The following PGR variants were observed in gnomAD, a reference collection of about 807,000 sequenced individuals.
PGR encodes the protein progesterone receptor.
PGR carries 25 observed loss-of-function variants against 76.1 expected under a neutral mutation model. The ratio of observed to expected loss-of-function variants is 0.33; its 90% CI spans 0.24 to 0.46. The LOEUF (loss-of-function observed/expected upper bound fraction) is 0.46, where lower values mean the gene tolerates loss of function less well. Among genes scored for constraint, PGR ranks in the 20% least tolerant of loss-of-function variants. PGR has a pLI of 1.00. For missense variants in PGR, 1,172 were observed against 1,225.3 expected, an observed-to-expected ratio of 0.96 and a Z score of 0.65; for synonymous variants, 579 against 535.0, an observed-to-expected ratio of 1.08 and a Z score of -1.14.
At chr11:101,054,046 T>C (rs1860201176) in intron 4 of PGR, among the ~76,000 whole-genome samples, 1 of 152,222 alleles carries the variant, frequency 6.6e-6, no homozygotes, top group African/African-American at 2.4e-5. Context: ...ATGTTGGTGG[T>C]GTCCAGATAA....
chr11:101,099,663 A>G (rs1320973187), intron 2 of PGR, among the ~76,000 whole-genome samples: 1 of 152,214 alleles, frequency 6.6e-6, no homozygotes, highest in African/African-American at 2.4e-5. Flanking sequence ...GGTCACGGTC[A>G]TGTCCAGAGA....
At chr11:101,078,253 G>A (rs555379815) in intron 3 of PGR, among the ~76,000 whole-genome samples, 1 of 151,994 alleles carries the variant, frequency 6.6e-6, no homozygotes, top group East Asian at 1.9e-4. Flanking sequence ...AAAATGTGAA[G>A]ATAAGGCTTG....
Position 101,062,598 on chromosome 11 carries a change from C to G in PGR, c.2061G>C (p.Leu687=). 2 of 1,613,962 alleles carry G rather than the reference C, an allele frequency of 1.2e-6. No homozygotes were observed. The highest frequency in any genetic ancestry group is 1.7e-6 in the Non-Finnish European group (2 of 1,179,944). ...GTTCAATGCTCATTAACAGGTTGAT[C>G]AGTGGTGGAATCAACTGTATGTCTT... ...PGQDIQLIPP[L]INLLMSIEPD... is the part of the protein sequence containing the mutation. Residue 687 remains leucine, a synonymous_variant, in exon 4 of 8, where the codon CTG becomes CTC. Coordinates refer to ENST00000325455, the MANE Select transcript of PGR (RefSeq NM_000926.4).
chr11:101,128,248 A>G lies in PGR; in HGVS notation c.823T>C (p.Phe275Leu). ...ACCAGGGCGACCCTGGGCGCTGAGA[A>G]GCGGGAATCTTCCTTGGGGACCAGG... ...VALVPKEDSRFSAPRVALVEQ... is the reference protein window; with the variant it reads ...VALVPKEDSRLSAPRVALVEQ... The change falls in exon 1 of 8, where the codon TTC becomes CTC. Residue 275 changes from phenylalanine (F) to leucine (L), a missense_variant. Physicochemically the swap from Phe to Leu is conservative, Grantham distance 22 (BLOSUM62 0). Around this residue, in one of 4 missense-constraint regions of PGR, gnomAD observed 893 missense variants for 785.9 expected, o/e 1.14. Transcript: ENST00000325455. 6.3e-7 allele frequency: 1 copy of G among 1,595,808 alleles called. No homozygotes were observed. Among genetic ancestry groups the G allele is most frequent in the Non-Finnish European group, 8.5e-7 (1 of 1,177,846 alleles).
intron 2 of PGR, among the ~76,000 whole-genome samples, chr11:101,095,071 C>A (rs544639193): frequency 6.6e-6 from 1 of 152,300 alleles, no homozygotes; most frequent in African/African-American, 2.4e-5. Flanking sequence ...ATAAACTACC[C>A]AGTCTAAGGT....
At chr11:101,068,114 T>A (rs1168401917) in intron 3 of PGR, among the ~76,000 whole-genome samples, 1 of 152,178 alleles carries the variant, frequency 6.6e-6, no homozygotes, top group Non-Finnish European at 1.5e-5. Flanking sequence ...TGTTTCTATA[T>A]GTCATTTGCT....
intron 3 of PGR, among the ~76,000 whole-genome samples, chr11:101,073,034 C>T (rs1371739370): frequency 6.6e-6 from 1 of 152,156 alleles, no homozygotes; most frequent in East Asian, 1.9e-4. Context: ...CTTCTCAGCA[C>T]CACATTGCAC....
At chr11:101,097,674 T>A (rs542514625) in intron 2 of PGR, among the ~76,000 whole-genome samples, 3 of 152,246 alleles carry the variant, frequency 2.0e-5, no homozygotes, top group Non-Finnish European at 4.4e-5. Flanking sequence ...ACCTTTTAAC[T>A]TTTTTTCTTA....
chr11:101,102,426 A>G (rs1489996409), intron 2 of PGR, among the ~76,000 whole-genome samples: 1 of 152,136 alleles, frequency 6.6e-6, no homozygotes, highest in Non-Finnish European at 1.5e-5. Flanking sequence ...CTATTCCTTA[A>G]AGTTTTTTGT....
chr11:101,121,774 G>C (rs2135503030), intron 2 of PGR, among the ~76,000 whole-genome samples: 1 of 152,296 alleles, frequency 6.6e-6, no homozygotes, highest in Middle Eastern at 3.4e-3. Flanking sequence ...GGTTTCACCA[G>C]TACCTAACAT....
intron 3 of PGR, among the ~76,000 whole-genome samples, chr11:101,075,823 T>C (rs899604327): frequency 2.6e-5 from 4 of 152,108 alleles, no homozygotes; most frequent in East Asian, 1.9e-4. Context: ...AAACAATAGA[T>C]GCCGGAAAAG....
Position 101,127,909 on chromosome 11 carries a change from T to C in PGR, c.1162A>G (p.Lys388Glu), listed in dbSNP as rs775161945. The C allele has an allele frequency of 8.8e-6, 14 of 1,598,160 alleles. No individual in the cohort carries two copies. In the Admixed American group the frequency reaches 1.2e-4, roughly 13 times the overall value. ...SDFQPPALKIKEEEEGAEASA... is the reference protein window; with the variant it reads ...SDFQPPALKIEEEEEGAEASA... Reference sequence around the variant, plus strand: ...GCCTCCGCGCCTTCCTCCTCCTCCTTTATCTTTAGAGCGGGCGGCTGGAAG... The same window carrying C: ...GCCTCCGCGCCTTCCTCCTCCTCCTCTATCTTTAGAGCGGGCGGCTGGAAG... The change falls in exon 1 of 8, where the codon AAG becomes GAG. Residue 388 changes from lysine (K) to glutamate (E), a missense_variant. Transcript: ENST00000325455.
At chr11:101,107,879 A>AG (rs2135481743) in intron 2 of PGR, among the ~76,000 whole-genome samples, 1 of 146,026 alleles carries the variant, frequency 6.8e-6, no homozygotes, top group East Asian at 1.9e-4. Flanking sequence ...AAAAAAAAAA[A>AG]AGAAAGAAAA....
At chr11:101,115,808 TA>T (rs1490473814) in intron 2 of PGR, among the ~76,000 whole-genome samples, 2 of 152,024 alleles carry the variant, frequency 1.3e-5, no homozygotes, top group Non-Finnish European at 2.9e-5. Flanking sequence ...GAATTGTTTA[TA>T]AAAATTTTCA....
rs1467259749 is a variant in PGR at position 101,034,239 on chromosome 11, CAGT to C, written c.*4874_*4876del. ...CAGCATGACATACAGCAACAAGAGC[CAGT>C]AAATCGAAAATGAGGCTGACATTCT... On this transcript the variant is annotated 3_prime_UTR_variant, in exon 8 of 8. Coordinates refer to ENST00000325455, the MANE Select transcript of PGR (RefSeq NM_000926.4). The C allele has an allele frequency of 9.2e-6, 2 of 217,314 alleles. No homozygotes were observed. The highest frequency in any genetic ancestry group is 1.9e-5 in the Non-Finnish European group (2 of 108,088). The allele number at this position is 217,314 out of a possible 1,614,324, so 13.5% of individuals were successfully genotyped here. A position where few individuals can be genotyped will look rare whatever the true frequency, so the allele number is the denominator to read the frequency against.
At position 101,039,042 on chromosome 11, in the gene PGR, C is replaced by G. The variant is rs1037785317; in HGVS notation, c.*74G>C. 1 of 1,147,546 alleles carries G rather than the reference C, an allele frequency of 8.7e-7. No homozygotes were observed. The highest frequency in any genetic ancestry group is 1.3e-6 in the Non-Finnish European group (1 of 768,962). The allele number at this position is 1,147,546 out of a possible 1,614,324, so 71.1% of individuals were successfully genotyped here. On this transcript the variant is annotated 3_prime_UTR_variant, in exon 8 of 8. Coordinates refer to ENST00000325455, the MANE Select transcript of PGR (RefSeq NM_000926.4). ...CTTTCAGAAGAACATTATAAAAACT[C>G]AAGACCTCATAATCCTGACCAAAAC...
At chr11:101,086,664 T>C (rs535572208) in intron 3 of PGR, among the ~76,000 whole-genome samples, 2 of 152,174 alleles carry the variant, frequency 1.3e-5, no homozygotes, top group African/African-American at 2.4e-5. Flanking sequence ...GCATATTACA[T>C]GATTTTATAA....
At chr11:101,054,941 A>T (rs1860234718) in intron 4 of PGR, among the ~76,000 whole-genome samples, 1 of 151,104 alleles carries the variant, frequency 6.6e-6, no homozygotes, top group African/African-American at 2.5e-5. Context: ...ACAATGCCAT[A>T]AAAAAAAGTG....
chr11:101,105,100 C>T (rs750531636), intron 2 of PGR, among the ~76,000 whole-genome samples: 6 of 152,208 alleles, frequency 3.9e-5, no homozygotes, highest in Non-Finnish European at 5.9e-5. Flanking sequence ...AAGGCTAGAG[C>T]TGGCTAAGCC....
Sources: allele counts gnomAD v4.1 joint callset (sites outside exome capture counted in the v4.1 genomes callset), GRCh38; gene constraint gnomAD v4.1.1; regional missense constraint gnomAD v4.1.1; transcripts MANE v1.5; gene names NCBI Gene and HGNC (gene_info 2026-07-23, HGNC 2026-07-21).